PCDHA1: variants seen among roughly 807,000 people sequenced by gnomAD.
PCDHA1 encodes protocadherin alpha 1.
PCDHA1 carries 42 observed loss-of-function variants against 61.3 expected under a neutral mutation model. The ratio of observed to expected loss-of-function variants is 0.69; its 90% CI spans 0.54 to 0.89. PCDHA1 has a LOEUF of 0.89. Among genes scored for constraint, PCDHA1 ranks in the 40% least tolerant of loss-of-function variants. PCDHA1 has a pLI of 0.00. For missense variants in PCDHA1, 1,256 were observed against 1,235.3 expected (o/e 1.02, Z -0.25); for synonymous variants, 610 against 553.8 (o/e 1.10, Z -1.43).
At chr5:140,793,960 A>C (rs1484329332) in intron 1 of PCDHA1, among the ~76,000 whole-genome samples, 1 of 152,240 alleles carries the variant, frequency 6.6e-6, no homozygotes, top group African/African-American at 2.4e-5. Context: ...TTTTCAATGG[A>C]CTAAAATACC....
intron 1 of PCDHA1, chr5:140,854,088 G>A (rs1262177028): frequency 3.8e-6 from 1 of 266,394 alleles, no homozygotes; most frequent in African/African-American, 2.4e-5. Context: ...CTTGAGCCTG[G>A]GACATTGAGG....
rs151249575 is a variant in PCDHA1, at chr5:140,920,220, T to TTATA, written c.2395-58728_2395-58725dup. 8.8e-3 allele frequency among the ~76,000 whole-genome samples: 1,344 copies of TTATA among 152,322 alleles called. 13 individuals carry two copies. The highest frequency in any genetic ancestry group is 0.031 in the African/African-American group (1,300 of 41,558). On this transcript the variant is annotated intron_variant, in intron 1 of 3. Coordinates refer to ENST00000504120, the MANE Select transcript of PCDHA1 (RefSeq NM_018900.4). ...GCAGCCACAGAAAACCAATGCACAT[T>TTATA]TATAGTATTATATACCCAACAATAC...
At position 140,802,150 on chromosome 5, in the gene PCDHA1, T is replaced by C. The variant is rs782759775; in HGVS notation, c.2394+13466T>C. 4.6e-5 allele frequency: 74 copies of C among 1,614,112 alleles called. 1 individual carries two copies. Among genetic ancestry groups the C allele is most frequent in the Non-Finnish European group, 5.8e-5 (68 of 1,180,050 alleles). ...TTCGAGGAAAGTAAGTCATATGAAA[T>C]CCAGGTAGAAGCCACGGATAAAGGA... On this transcript the variant is annotated intron_variant, in intron 1 of 3. Coordinates refer to ENST00000504120, the MANE Select transcript of PCDHA1 (RefSeq NM_018900.4).
intron 1 of PCDHA1, among the ~76,000 whole-genome samples, chr5:140,911,786 TG>T (rs1394803815): frequency 6.6e-6 from 1 of 152,212 alleles, no homozygotes; most frequent in Non-Finnish European, 1.5e-5. Flanking sequence ...TTAGCATTTT[TG>T]GGTCTAATCA....
chr5:140,837,460 G>A (rs2150141340), intron 1 of PCDHA1, among the ~76,000 whole-genome samples: 1 of 151,718 alleles, frequency 6.6e-6, no homozygotes, highest in East Asian at 1.9e-4. Context: ...AAATCTCCTT[G>A]CCTCCTCAAA....
At chr5:140,808,237 G>T in intron 1 of PCDHA1, 1 of 1,614,216 alleles carries the variant, frequency 6.2e-7, no homozygotes, top group South Asian at 1.1e-5. Context: ...TCCCAGATTT[G>T]GAATTCAAGT....
At chr5:140,869,932 G>A (rs1291685236) in intron 1 of PCDHA1, 45 of 1,611,630 alleles carry the variant, frequency 2.8e-5, no homozygotes, top group Non-Finnish European at 3.5e-5. Context: ...CAATGGAGAG[G>A]TAACATACTC....
chr5:140,902,201 T>C (rs1554190261), intron 1 of PCDHA1, among the ~76,000 whole-genome samples: 1 of 145,052 alleles, frequency 6.9e-6, no homozygotes. Flanking sequence ...CTCTCTCTCT[T>C]TCTTTTTTTT....
chr5:140,985,298 C>T (rs770798262), intron 3 of PCDHA1, among the ~76,000 whole-genome samples: 1 of 152,124 alleles, frequency 6.6e-6, no homozygotes, highest in Non-Finnish European at 1.5e-5. Context: ...ATAGTGTTGG[C>T]TGATAGCCTG....
intron 1 of PCDHA1, chr5:140,852,515 A>G (rs1258070118): frequency 9.7e-6 from 3 of 310,304 alleles, no homozygotes; most frequent in African/African-American, 6.9e-5. Flanking sequence ...TGACCTTGTG[A>G]TGCTCCCACC....
At chr5:140,856,678 G>A in intron 1 of PCDHA1, 5 of 1,597,744 alleles carry the variant, frequency 3.1e-6, no homozygotes, top group Non-Finnish European at 4.3e-6. Flanking sequence ...TAAAGTTGTT[G>A]TTGACAGCAA....
At chr5:140,938,631 T>C (rs1554212262) in intron 1 of PCDHA1, among the ~76,000 whole-genome samples, 1 of 152,208 alleles carries the variant, frequency 6.6e-6, no homozygotes. Context: ...AGGTTGCTTA[T>C]GATGTATAAT....
intron 1 of PCDHA1, among the ~76,000 whole-genome samples, chr5:140,922,803 A>G (rs2080995467): frequency 6.6e-6 from 1 of 152,246 alleles, no homozygotes; most frequent in African/African-American, 2.4e-5. Flanking sequence ...TGGAATACAG[A>G]AAAAGGAGAT....
rs1310762753 is a variant in PCDHA1, at chr5:140,855,371, T to A, written c.2394+66687T>A. Among the ~76,000 whole-genome samples, 3 of 149,996 alleles carry A rather than the reference T, an allele frequency of 2.0e-5. 1 individual carries two copies. Among genetic ancestry groups the A allele is most frequent in the African/African-American group, 7.3e-5 (3 of 40,926 alleles). On this transcript the variant is annotated intron_variant, in intron 1 of 3. Transcript: ENST00000504120. ...GTCATGTGGCTAGTGAGTAGGATAATAGGAATCTAAATGGAGAAATGTCTG... is the reference window on the plus strand; with the variant it reads ...GTCATGTGGCTAGTGAGTAGGATAAAAGGAATCTAAATGGAGAAATGTCTG...
chr5:140,868,102 T>C (rs2153230741), intron 1 of PCDHA1: 1 of 152,242 alleles, frequency 6.6e-6, no homozygotes, highest in Admixed American at 6.5e-5. Flanking sequence ...ATAATAAAAT[T>C]TATTTTATAG....
chr5:140,807,479 C>A, intron 1 of PCDHA1: 2 of 1,613,112 alleles, frequency 1.2e-6, no homozygotes, highest in Non-Finnish European at 1.7e-6. Flanking sequence ...GCTGTGCCGG[C>A]GGAGCGCGGA....
At chr5:140,968,097 G>A in intron 1 of PCDHA1, 1 of 1,614,112 alleles carries the variant, frequency 6.2e-7, no homozygotes, top group Non-Finnish European at 8.5e-7. Flanking sequence ...GCCACAGATG[G>A]GGGAATACCG....
At chr5:140,978,462 G>T (rs939639463) in intron 1 of PCDHA1, among the ~76,000 whole-genome samples, 3 of 152,222 alleles carry the variant, frequency 2.0e-5, no homozygotes, top group Admixed American at 1.3e-4. Flanking sequence ...TCCGCCCTGG[G>T]TCAAATATGC....
chr5:140,958,116 T>G (rs2095410051), intron 1 of PCDHA1, among the ~76,000 whole-genome samples: 1 of 152,060 alleles, frequency 6.6e-6, no homozygotes, highest in African/African-American at 2.4e-5. Context: ...TGGTTCCATT[T>G]TGTAAAATGT....
Sources: gnomAD v4.1 joint callset for allele counts (sites outside exome capture counted in the v4.1 genomes callset) on GRCh38, gnomAD v4.1.1 for gene constraint, MANE v1.5 for transcripts, NCBI Gene and HGNC (gene_info 2026-07-23, HGNC 2026-07-21) for gene names.